The following KIF25 variants were observed in gnomAD, a reference collection of about 807,000 sequenced individuals.
The protein encoded by KIF25 is kinesin family member 25.
In KIF25, 19 loss-of-function variants were observed where a neutral mutation model predicts 32.9. The observed-to-expected ratio is 0.58, with a 90% confidence interval of 0.40 to 0.85. The LOEUF is 0.85. KIF25 is among the 40% of genes least tolerant of loss of function. KIF25 has a pLI of 0.00. For missense variants in KIF25, 485 were observed against 507.0 expected (o/e 0.96, Z 0.42); for synonymous variants, 225 against 213.7 (o/e 1.05, Z -0.46).
chr6:168,001,111 T>A (rs1344353438), intron 2 of KIF25, among the ~76,000 whole-genome samples: 1 of 152,234 alleles, frequency 6.6e-6, no homozygotes, highest in East Asian at 1.9e-4. Context: ...GGACTGGAAA[T>A]TGGGCCTGTC....
chr6:168,001,023 A>G (rs1798493617), intron 2 of KIF25, among the ~76,000 whole-genome samples: 1 of 152,214 alleles, frequency 6.6e-6, no homozygotes, highest in South Asian at 2.1e-4. Flanking sequence ...TTTTCTTTTC[A>G]AAGTGTTTAG....
intron 12 of KIF25, 63 bp downstream of exon 12, chr6:168,042,779 AC>A (rs1388981746): frequency 5.9e-6 from 9 of 1,530,416 alleles, no homozygotes; most frequent in Admixed American, 3.7e-5. Context: ...ATGTGCACAC[AC>A]TTCTGGCCTG....
Position 167,997,904 on chromosome 6 carries a change from C to T in KIF25, c.-1565C>T, listed in dbSNP as rs1314503311. Among the ~76,000 whole-genome samples the T allele has an allele frequency of 6.6e-6, 1 of 152,148 alleles. No individual in the cohort carries two copies. Among genetic ancestry groups the T allele is most frequent in the Non-Finnish European group, 1.5e-5 (1 of 68,028 alleles). On this transcript the variant is annotated 5_prime_UTR_variant, in exon 1 of 13. Transcript: ENST00000643607. ...GCGAAGCTTCTCTTCCCTGGCCATG[C>T]CGAGAGGTTCTCCAGCTGTTAGATG...
chr6:168,042,215 T>A, intron 11 of KIF25, 64 bp downstream of exon 11: 2 of 1,467,630 alleles, frequency 1.4e-6, no homozygotes, highest in Non-Finnish European at 1.8e-6. Context: ...CTGATGGAGC[T>A]GGATGTGCAA....
intron 5 of KIF25, among the ~76,000 whole-genome samples, chr6:168,019,043 T>A (rs1222092718): frequency 6.6e-6 from 1 of 152,204 alleles, no homozygotes. Context: ...ACACAAGGCC[T>A]TGGGTAGAGT....
At chr6:168,005,779 G>T (rs1317762847) in intron 4 of KIF25, among the ~76,000 whole-genome samples, 3 of 152,190 alleles carry the variant, frequency 2.0e-5, no homozygotes, top group Admixed American at 6.5e-5. Flanking sequence ...ATATTTGCTG[G>T]CGGCTGATTA....
intron 12 of KIF25, among the ~76,000 whole-genome samples, chr6:168,044,245 G>A (rs9455563): frequency 8.8e-5 from 12 of 136,728 alleles, no homozygotes; most frequent in African/African-American, 2.5e-4. Context: ...TGACCCTCCC[G>A]GAGGGTGAGG....
chr6:168,010,595 G>A (rs1798635551), intron 4 of KIF25, among the ~76,000 whole-genome samples: 1 of 152,126 alleles, frequency 6.6e-6, no homozygotes, highest in African/African-American at 2.4e-5. Context: ...AATGTATTCT[G>A]TAGCTGTTGA....
intron 4 of KIF25, among the ~76,000 whole-genome samples, chr6:168,009,527 G>C (rs530868923): frequency 6.6e-6 from 1 of 152,192 alleles, no homozygotes; most frequent in African/African-American, 2.4e-5. Context: ...TTGGCCTATA[G>C]TTTTTTGTTA....
At chr6:168,030,177 C>T (rs757038995) in intron 6 of KIF25, among the ~76,000 whole-genome samples, 20 of 152,106 alleles carry the variant, frequency 1.3e-4, no homozygotes, top group Non-Finnish European at 2.2e-4. Context: ...GTTTATAGAC[C>T]CAGAACCACA....
rs1365674994 is a variant in KIF25, at chr6:167,998,038, A to G, written c.-1431A>G. On this transcript the variant is annotated 5_prime_UTR_variant, in exon 1 of 13. Coordinates refer to ENST00000643607, the MANE Select transcript of KIF25 (RefSeq NM_030615.4). ...GCTTCCTGTGTACCAAGTACTTTTG[A>G]AACCATTTGGTGTATTTTCTTATTT... Among the ~76,000 whole-genome samples, 1 of 152,160 alleles carries G rather than the reference A, an allele frequency of 6.6e-6. No individual in the cohort carries two copies. The highest frequency in any genetic ancestry group is 1.5e-5 in the Non-Finnish European group (1 of 68,028).
At chr6:168,026,453 G>T (rs1287010301) in intron 5 of KIF25, among the ~76,000 whole-genome samples, 5 of 152,128 alleles carry the variant, frequency 3.3e-5, no homozygotes. Context: ...ATATTGTTTA[G>T]CATTCAGGAT....
chr6:168,003,340 T>C (rs1451432095), intron 3 of KIF25, among the ~76,000 whole-genome samples: 1 of 151,804 alleles, frequency 6.6e-6, no homozygotes, highest in Non-Finnish European at 1.5e-5. Context: ...ATAAAAAGCA[T>C]AAGGTCCAAA....
chr6:168,004,843 G>A (rs1192171825), intron 4 of KIF25, among the ~76,000 whole-genome samples: 1 of 152,210 alleles, frequency 6.6e-6, no homozygotes, highest in East Asian at 1.9e-4. Flanking sequence ...CCGAGGTGGT[G>A]CAGCAGGTGG....
chr6:168,016,598 C>T (rs1467432428), intron 4 of KIF25, among the ~76,000 whole-genome samples: 25 of 152,350 alleles, frequency 1.6e-4, no homozygotes, highest in Non-Finnish European at 1.5e-5. Context: ...AAACAAGGAC[C>T]CAAGCGACCT....
rs1405147065 is a variant in KIF25, at chr6:168,042,112, C to G, written c.790C>G (p.Arg264Gly). 2.6e-6 allele frequency: 4 copies of G among 1,551,174 alleles called. No individual in the cohort carries two copies. Among genetic ancestry groups the G allele is most frequent in the South Asian group, 2.4e-5 (2 of 84,052 alleles). The stretch of plus-strand genomic sequence containing the variant: ...AGGGCATGCGGAGCAGGTGCAGGCT[C>G]GACTACAGCTCGTGGACTCGGCCGG... Reference protein sequence around the residue: ...PAGHAEQVQARLQLVDSAGSE... With the variant: ...PAGHAEQVQAGLQLVDSAGSE... Residue 264 changes from arginine to glycine, a missense_variant, in exon 11 of 13, where the codon CGA becomes GGA. Arg to Gly is a moderately radical substitution (Grantham distance 125, BLOSUM62 -2). Coordinates refer to ENST00000643607, the MANE Select transcript of KIF25 (RefSeq NM_030615.4).
At chr6:168,025,847 T>C (rs566294021) in intron 5 of KIF25, among the ~76,000 whole-genome samples, 17 of 152,308 alleles carry the variant, frequency 1.1e-4, no homozygotes, top group African/African-American at 4.1e-4. Context: ...TGGGTATCGG[T>C]CATCACCGCA....
At chr6:168,020,672 A>T (rs902527394) in intron 5 of KIF25, among the ~76,000 whole-genome samples, 8 of 152,196 alleles carry the variant, frequency 5.3e-5, no homozygotes, top group Admixed American at 5.2e-4. Flanking sequence ...TCTAAGTTAC[A>T]TATGGTAAAC....
In KIF25 at chr6:168,042,132, G is replaced by A. The variant is rs761853452; in HGVS notation, c.810G>A (p.Ser270=). The part of the protein sequence containing the change: ...QVQARLQLVD[S]AGSECVGVSG... Reference sequence around the variant, plus strand: ...AGGCTCGACTACAGCTCGTGGACTCGGCCGGCAGCGAGTGCGTTGGTGAGC... The same window carrying A: ...AGGCTCGACTACAGCTCGTGGACTCAGCCGGCAGCGAGTGCGTTGGTGAGC... The change falls in exon 11 of 13, where the codon TCG becomes TCA. Residue 270 remains serine (S), a synonymous_variant. Transcript: ENST00000643607. The A allele has an allele frequency of 1.2e-5, 19 of 1,549,704 alleles. No homozygotes were observed. The highest frequency in any genetic ancestry group is 1.5e-5 in the Non-Finnish European group (17 of 1,147,094).
Sources: allele counts gnomAD v4.1 joint callset (sites outside exome capture counted in the v4.1 genomes callset), GRCh38; gene constraint gnomAD v4.1.1; transcripts MANE v1.5; gene names NCBI Gene and HGNC (gene_info 2026-07-23, HGNC 2026-07-21).